CFAP43: variants seen among roughly 807,000 people sequenced by gnomAD.
The protein encoded by CFAP43 is cilia- and flagella-associated protein 43.
In CFAP43, 155 loss-of-function variants were observed where a neutral mutation model predicts 218.9. The ratio of observed to expected loss-of-function variants is 0.71; its 90% CI spans 0.62 to 0.81. CFAP43 has a LOEUF of 0.81. CFAP43 is among the 30% of genes least tolerant of loss of function. CFAP43 has a pLI of 0.00. For synonymous variants in CFAP43, 645 were observed against 681.3 expected, an observed-to-expected ratio of 0.95 and a Z score of 0.83; for missense variants, 1,778 against 1,954.3, an observed-to-expected ratio of 0.91 and a Z score of 1.70.
chr10:104,182,990 G>GCCCTCTGTA (rs1167771564), intron 16 of CFAP43, among the ~76,000 whole-genome samples: 1 of 151,986 alleles, frequency 6.6e-6, no homozygotes, highest in African/African-American at 2.4e-5. Flanking sequence ...TACTCAACAT[G>GCCCTCTGTA]CCCTCTGTAC....
Position 104,133,694 on chromosome 10 carries a change from C to G in CFAP43, c.4522G>C (p.Glu1508Gln), listed in dbSNP as rs535298881. The G allele has an allele frequency of 3.1e-6, 5 of 1,613,744 alleles. No individual in the cohort carries two copies. The African/African-American group carries it at 4.0e-5, about 13-fold the overall frequency. ...LQIEWEHKKM[E>Q]MEREDLNQKA... ...TGATTTAGATCTTCCCTTTCCATCT[C>G]CATTTTCTTATGTTCCCACTCAATC... The change falls in exon 35 of 38, where the codon GAG (glutamate) becomes CAG (glutamine). Residue 1508 changes from glutamate (E) to glutamine (Q), a missense_variant. Around this residue, in one of 3 missense-constraint regions of CFAP43, gnomAD observed 211 missense variants for 230.6 expected, o/e 0.91. Transcript: ENST00000357060.
chr10:104,146,452 A>G, intron 29 of CFAP43, 103 bp from the exon 30 acceptor site: 1 of 809,536 alleles, frequency 1.2e-6, no homozygotes. Flanking sequence ...AGTACAAGAG[A>G]AATATGTCTG....
At chr10:104,190,901 G>A (rs1010123706) in intron 12 of CFAP43, among the ~76,000 whole-genome samples, 1 of 152,138 alleles carries the variant, frequency 6.6e-6, no homozygotes, top group Admixed American at 6.5e-5. Flanking sequence ...ACTTAGCCTC[G>A]CTTCGCCTCA....
chr10:104,161,798 G>A (rs1038842425), intron 26 of CFAP43, among the ~76,000 whole-genome samples, 163 bp downstream of exon 26: 1 of 152,094 alleles, frequency 6.6e-6, no homozygotes, highest in East Asian at 1.9e-4. Context: ...AAGCCACCAC[G>A]CCAGGCCCTA....
Position 104,141,007 on chromosome 10 carries a change from T to C in CFAP43, c.4272-6A>G, listed in dbSNP as rs776883348. On this transcript the variant is annotated splice_region_variant and splice_polypyrimidine_tract_variant and intron_variant, in intron 33 of 37. Coordinates refer to ENST00000357060, the MANE Select transcript of CFAP43 (RefSeq NM_025145.7). ...TCACTTTCTCTTCCTGTAATCTGAA[T>C]TGAAAAGTACTTCAAAGCAAGTAGT... The C allele has an allele frequency of 6.2e-7, 1 of 1,605,240 alleles. No homozygotes were observed. The highest frequency in any genetic ancestry group is 1.7e-5 in the Admixed American group (1 of 58,668).
chr10:104,184,177 T>C (rs1281753347), intron 16 of CFAP43, among the ~76,000 whole-genome samples: 2 of 152,256 alleles, frequency 1.3e-5, no homozygotes, highest in East Asian at 1.9e-4. Flanking sequence ...TGGATGTTCT[T>C]GTTCATTCCT....
At chr10:104,182,638 G>T in intron 16 of CFAP43, 125 bp from the exon 17 acceptor site, 4 of 923,154 alleles carry the variant, frequency 4.3e-6, no homozygotes, top group South Asian at 2.9e-5. Flanking sequence ...GGAAATATGT[G>T]GACAATTCTT....
Position 104,150,092 on chromosome 10 carries a change from T to G in CFAP43, c.3661-2094A>C, listed in dbSNP as rs114024184. 4.2e-3 allele frequency among the ~76,000 whole-genome samples: 641 copies of G among 152,230 alleles called. 5 individuals carry two copies. The highest frequency in any genetic ancestry group is 0.014 in the African/African-American group (590 of 41,576). ...CTTTGACTTAGCATGTTTTCAAGGT[T>G]CATCCATGTTGTACCATATATTAGC... On this transcript the variant is annotated intron_variant, in intron 28 of 37. Coordinates refer to ENST00000357060, the MANE Select transcript of CFAP43 (RefSeq NM_025145.7).
intron 3 of CFAP43, among the ~76,000 whole-genome samples, chr10:104,223,296 A>C (rs2091230552): frequency 6.6e-6 from 1 of 151,888 alleles, no homozygotes; most frequent in African/African-American, 2.4e-5. Flanking sequence ...TTTATGGCCA[A>C]AAAAAAATAC....
rs78687962 is a variant in CFAP43, at chr10:104,194,755, T to C, written c.1294-741A>G. Among the ~76,000 whole-genome samples the C allele has an allele frequency of 9.8e-5, 15 of 152,366 alleles. No individual in the cohort carries two copies. In the East Asian group the frequency reaches 2.3e-3, roughly 23 times the overall value. On this transcript the variant is annotated intron_variant, in intron 10 of 37. Transcript: ENST00000357060. ...CTTTCTCTATCAACACTTTGTAGAT[T>C]GTTTTGAATAAAATCATGGAACTCA...
chr10:104,174,907 C>T (rs57352609), intron 19 of CFAP43, among the ~76,000 whole-genome samples: 15,136 of 151,216 alleles, frequency 0.1, 811 homozygotes, highest in Middle Eastern at 0.18. Flanking sequence ...TACAAAAAAT[C>T]AGCTGGGCGA....
chr10:104,167,124 A>G (rs2089193513), intron 22 of CFAP43, among the ~76,000 whole-genome samples: 2 of 152,228 alleles, frequency 1.3e-5, no homozygotes, highest in Admixed American at 6.5e-5. Flanking sequence ...TTTTTGTTTC[A>G]GAAAAAGAGT....
intron 10 of CFAP43, among the ~76,000 whole-genome samples, chr10:104,194,812 C>T (rs956503480): frequency 2.0e-5 from 3 of 152,066 alleles, no homozygotes; most frequent in Admixed American, 1.3e-4. Context: ...GATCATTTTG[C>T]AAAATAGAAA....
At chr10:104,204,575 A>G (rs1397531350) in intron 7 of CFAP43, among the ~76,000 whole-genome samples, 3 of 152,220 alleles carry the variant, frequency 2.0e-5, no homozygotes, top group Non-Finnish European at 2.9e-5. Context: ...AGCAAATGCT[A>G]TAATAGTTAC....
Position 104,172,427 on chromosome 10 carries a change from G to T in CFAP43, c.2569C>A (p.Gln857Lys). 1 of 1,607,404 alleles carries T rather than the reference G, an allele frequency of 6.2e-7. No individual in the cohort carries two copies. Among genetic ancestry groups the T allele is most frequent in the South Asian group, 1.1e-5 (1 of 89,112 alleles). Residue 857 changes from glutamine to lysine, a missense_variant, in exon 20 of 38, where the codon CAG becomes AAG. Gln to Lys is a moderately conservative substitution (Grantham distance 53). Coordinates refer to ENST00000357060, the MANE Select transcript of CFAP43 (RefSeq NM_025145.7). ...TTTCATACCTTTGCCACTTCTTCCT[G>T]ACTTTCATCATGAAGCCTTTCTAGT... ...EELERLHDES[Q>K]EEVAKMIKDV...
intron 23 of CFAP43, 113 bp from the exon 24 acceptor site, chr10:104,164,413 T>C: frequency 1.2e-6 from 1 of 860,170 alleles, no homozygotes; most frequent in Non-Finnish European, 1.7e-6. Flanking sequence ...TTTTTTTTTT[T>C]TTGAGATGCA....
At position 104,187,373 on chromosome 10, in the gene CFAP43, A is replaced by G. The variant is rs780327190; in HGVS notation, c.1807T>C (p.Tyr603His). ...TATGGCACTTGACTACAGAAGCCAT[A>G]TATTTGGTTACTTTGAAAGCCCAAG... ...AVLGFQSNQI[Y>H]GFCSQVPYIC... is the part of the protein sequence containing the mutation. The change falls in exon 14 of 38, where the codon TAT becomes CAT. Residue 603 changes from tyrosine (Y) to histidine (H), a missense_variant. Physicochemically the swap from Tyr to His is moderately conservative, Grantham distance 83. Transcript: ENST00000357060. The G allele has an allele frequency of 1.9e-6, 3 of 1,612,022 alleles. No individual in the cohort carries two copies. The highest frequency in any genetic ancestry group is 1.7e-6 in the Non-Finnish European group (2 of 1,179,418).
chr10:104,223,576 C>CT (rs1252261188), intron 3 of CFAP43, among the ~76,000 whole-genome samples: 2 of 152,168 alleles, frequency 1.3e-5, no homozygotes, highest in Non-Finnish European at 2.9e-5. Flanking sequence ...CACTTCACTG[C>CT]TTTTTTAATA....
rs541537409 is a variant in CFAP43, at chr10:104,197,087, A to G, written c.1213-154T>C. Among the ~76,000 whole-genome samples the G allele has an allele frequency of 2.0e-5, 3 of 152,304 alleles. No homozygotes were observed. The East Asian group carries it at 5.8e-4, about 29-fold the overall frequency. ...TACTTATTTTATCATTTCAACGCCA[A>G]TGCTTTGTTTCTGAGCAAATATTAA... On this transcript the variant is annotated intron_variant, in intron 9 of 37. Coordinates refer to ENST00000357060, the MANE Select transcript of CFAP43 (RefSeq NM_025145.7).
Sources: gnomAD v4.1 joint callset for allele counts (sites outside exome capture counted in the v4.1 genomes callset) on GRCh38, gnomAD v4.1.1 for gene constraint, gnomAD v4.1.1 regional missense constraint, MANE v1.5 for transcripts, NCBI Gene and HGNC (gene_info 2026-07-23, HGNC 2026-07-21) for gene names.